WWOX: variants seen among roughly 807,000 people sequenced by gnomAD.
WWOX encodes WW domain containing oxidoreductase.
WWOX carries 69 observed loss-of-function variants against 46.2 expected under a neutral mutation model. The ratio of observed to expected loss-of-function variants is 1.49; its 90% CI spans 1.23 to 1.82. WWOX has a LOEUF of 1.82. Ranked by LOEUF, WWOX falls within the 40% of genes most tolerant of loss-of-function variation. The pLI is 0.00. For missense variants in WWOX, 919 were observed against 542.6 expected (o/e 1.69, Z -6.89); for synonymous variants, 359 against 202.6 (o/e 1.77, Z -6.56).
chr16:78,442,044 G>C (rs1337765919), intron 8 of WWOX, among the ~76,000 whole-genome samples: 1 of 151,564 alleles, frequency 6.6e-6, no homozygotes, highest in Non-Finnish European at 1.5e-5. Context: ...GGCCAAGCTG[G>C]GAGGATGACT....
intron 8 of WWOX, among the ~76,000 whole-genome samples, chr16:78,758,337 A>G (rs2142478907): frequency 6.6e-6 from 1 of 152,316 alleles, no homozygotes; most frequent in East Asian, 1.9e-4. Flanking sequence ...AGAGGTATTA[A>G]AAACCAAAGC....
intron 3 of WWOX, among the ~76,000 whole-genome samples, chr16:78,112,891 A>T (rs1377902590): frequency 6.6e-6 from 1 of 151,596 alleles, no homozygotes; most frequent in Non-Finnish European, 1.5e-5. Flanking sequence ...TTTTTTGTAG[A>T]GACTGAGGCT....
At chr16:78,879,258 A>G (rs1300337806) in intron 8 of WWOX, among the ~76,000 whole-genome samples, 3 of 152,176 alleles carry the variant, frequency 2.0e-5, no homozygotes, top group East Asian at 1.9e-4. Flanking sequence ...TTTTGTGACA[A>G]TGTAAGAGCA....
rs946079720 is a variant in WWOX, at chr16:78,417,889, C to G, written c.606-6981C>G. Among the ~76,000 whole-genome samples, 6 of 152,262 alleles carry G rather than the reference C, an allele frequency of 3.9e-5. No homozygotes were observed. In the East Asian group the frequency reaches 9.6e-4, roughly 24 times the overall value. ...TGACCCCAACCACACCATGACTTTT[C>G]AGGTTTTAGGTAGGGGATGGGTGGG... On this transcript the variant is annotated intron_variant, in intron 6 of 8. Coordinates refer to ENST00000566780, the MANE Select transcript of WWOX (RefSeq NM_016373.4).
intron 8 of WWOX, among the ~76,000 whole-genome samples, chr16:79,111,825 G>C (rs2049422470): frequency 6.6e-6 from 1 of 152,150 alleles, no homozygotes; most frequent in South Asian, 2.1e-4. Context: ...CCAGATGTGT[G>C]TCCACTGGGC....
chr16:78,747,346 C>G (rs2049372861), intron 8 of WWOX, among the ~76,000 whole-genome samples: 1 of 152,042 alleles, frequency 6.6e-6, no homozygotes, highest in African/African-American at 2.4e-5. Context: ...CATCTGCGAC[C>G]ACACCTGTCT....
At chr16:78,367,573 C>T (rs1465835127) in intron 5 of WWOX, among the ~76,000 whole-genome samples, 1 of 152,046 alleles carries the variant, frequency 6.6e-6, no homozygotes, top group African/African-American at 2.4e-5. Flanking sequence ...AGTTCATGGA[C>T]AGAACAACAT....
intron 8 of WWOX, among the ~76,000 whole-genome samples, chr16:79,208,802 A>T (rs1211700183): frequency 6.6e-6 from 1 of 152,222 alleles, no homozygotes; most frequent in East Asian, 1.9e-4. Flanking sequence ...ATCTGATCAT[A>T]TTAAGATGTC....
chr16:78,155,535 A>G (rs896101312), intron 4 of WWOX, among the ~76,000 whole-genome samples: 1 of 152,210 alleles, frequency 6.6e-6, no homozygotes, highest in Non-Finnish European at 1.5e-5. Context: ...ATTGCATCTG[A>G]TGTAACAAGT....
At chr16:79,037,343 T>C (rs979262613) in intron 8 of WWOX, among the ~76,000 whole-genome samples, 7 of 152,144 alleles carry the variant, frequency 4.6e-5, no homozygotes, top group African/African-American at 2.4e-5. Flanking sequence ...TCAAGTCTTT[T>C]TGTAGAGAGG....
rs1555570914 is a variant in WWOX at position 78,930,279 on chromosome 16, C to CCTT, written c.1057-281329_1057-281328insCTT. Among the ~76,000 whole-genome samples, 237 of 106,760 alleles carry CCTT rather than the reference C, an allele frequency of 2.2e-3. 4 individuals carry two copies. The highest frequency in any genetic ancestry group is 2.8e-3 in the Non-Finnish European group (140 of 49,814). 70.0% of individuals were successfully genotyped at this position (106,760 alleles called of 152,430 possible). On this transcript the variant is annotated intron_variant, in intron 8 of 8. Coordinates refer to ENST00000566780, the MANE Select transcript of WWOX (RefSeq NM_016373.4). ...CCTTCCTTCCTTCCTTTCTCTCTTT[C>CCTT]TTTTTTTATTTTTTTTTTCAGACAG... is the stretch of plus-strand genomic sequence containing the variant.
chr16:78,520,438 C>G (rs950523436), intron 8 of WWOX, among the ~76,000 whole-genome samples: 4 of 152,124 alleles, frequency 2.6e-5, no homozygotes, highest in African/African-American at 7.2e-5. Context: ...GGTGGAAAGC[C>G]CATCAGTTTT....
chr16:79,046,174 T>A (rs2150520579), intron 8 of WWOX, among the ~76,000 whole-genome samples: 1 of 152,308 alleles, frequency 6.6e-6, no homozygotes, highest in East Asian at 1.9e-4. Flanking sequence ...TGTTCATTGC[T>A]CAAGAGAAGT....
In WWOX at chr16:78,515,218, T is replaced by G. The variant is rs775069566; in HGVS notation, c.1056+82466T>G. Among the ~76,000 whole-genome samples, 105 of 152,320 alleles carry G rather than the reference T, an allele frequency of 6.9e-4. 2 individuals are homozygous for G. Among genetic ancestry groups the G allele is most frequent in the Non-Finnish European group, 1.3e-3 (90 of 68,028 alleles). On this transcript the variant is annotated intron_variant, in intron 8 of 8. Transcript: ENST00000566780. ...CAGCCTAGGCGACAGAGCGAGACCC[T>G]GTCTCAGAAACAGAAAATAAAACAA...
chr16:78,783,992 A>T (rs1320600251), intron 8 of WWOX, among the ~76,000 whole-genome samples: 1 of 151,828 alleles, frequency 6.6e-6, no homozygotes, highest in African/African-American at 2.4e-5. Context: ...AGTGGTGATA[A>T]TGTTGGTGAT....
intron 8 of WWOX, among the ~76,000 whole-genome samples, chr16:78,685,644 G>A (rs1325813018): frequency 6.6e-6 from 1 of 152,230 alleles, no homozygotes; most frequent in Non-Finnish European, 1.5e-5. Flanking sequence ...CTTGTGTGGT[G>A]CTAAATGCAA....
intron 5 of WWOX, among the ~76,000 whole-genome samples, chr16:78,236,044 G>A (rs2037426418): frequency 6.6e-6 from 1 of 152,232 alleles, no homozygotes; most frequent in African/African-American, 2.4e-5. Flanking sequence ...TAAATGGACG[G>A]ATGTGTTCCA....
intron 8 of WWOX, among the ~76,000 whole-genome samples, chr16:78,752,748 A>C (rs185971050): frequency 1.9e-3 from 286 of 152,312 alleles, no homozygotes; most frequent in Non-Finnish European, 2.7e-3. Flanking sequence ...GTCTTCTTTA[A>C]TCTTCACCAC....
rs539602179 is a variant in WWOX, at chr16:78,587,004, T to C, written c.1056+154252T>C. Among the ~76,000 whole-genome samples the C allele has an allele frequency of 4.6e-5, 7 of 152,256 alleles. No homozygotes were observed. In the South Asian group the frequency reaches 1.0e-3, roughly 23 times the overall value. The stretch of plus-strand genomic sequence containing the variant: ...ACCTCTACTAATTCATGAGGCAATC[T>C]ATTTGATAATGGCATGATTTAGTTA... On this transcript the variant is annotated intron_variant, in intron 8 of 8. Coordinates refer to ENST00000566780, the MANE Select transcript of WWOX (RefSeq NM_016373.4).
Sources: gnomAD v4.1 joint callset for allele counts (sites outside exome capture counted in the v4.1 genomes callset) on GRCh38, gnomAD v4.1.1 for gene constraint, MANE v1.5 for transcripts, NCBI Gene and HGNC (gene_info 2026-07-23, HGNC 2026-07-21) for gene names.